The following RTEL1 variants were observed in gnomAD, a reference collection of about 807,000 sequenced individuals.
RTEL1 encodes regulator of telomere elongation helicase 1, also known as regulator of telomere length.
Under a neutral mutation model 162.2 loss-of-function variants are expected in RTEL1, and 86 were observed. The ratio of observed to expected loss-of-function variants is 0.53; its 90% CI spans 0.45 to 0.63. The LOEUF (loss-of-function observed/expected upper bound fraction) is 0.63, where lower values mean the gene tolerates loss of function less well. Ranked by LOEUF, RTEL1 falls within the 30% of genes least tolerant of loss-of-function variation. RTEL1 has a pLI of 0.00. For missense variants in RTEL1, 1,941 were observed against 1,750.2 expected (o/e 1.11, Z -1.95); for synonymous variants, 958 against 717.9 (o/e 1.33, Z -5.35).
At chr20:63,680,927 T>A (rs2090465849) in intron 14 of RTEL1, 1 of 985,224 alleles carries the variant, frequency 1.0e-6, no homozygotes. Flanking sequence ...CGAGGTCTGG[T>A]GGCACATGCC....
intron 10 of RTEL1, 40 bp downstream of exon 10, chr20:63,674,133 C>A: frequency 6.4e-7 from 1 of 1,562,490 alleles, no homozygotes. Flanking sequence ...GAGGCCTGCG[C>A]TGCTGCAGGG....
In RTEL1 at chr20:63,694,837, G is replaced by GT; in HGVS notation, c.3206_3207insT (p.Arg1069SerfsTer9). The GT allele has an allele frequency of 6.2e-7, 1 of 1,612,604 alleles. No individual in the cohort carries two copies. Among genetic ancestry groups the GT allele is most frequent in the Non-Finnish European group, 8.5e-7 (1 of 1,179,850 alleles). On this transcript the variant is annotated frameshift_variant, in exon 32 of 35. Coordinates refer to ENST00000360203, the MANE Select transcript of RTEL1 (RefSeq NM_001283009.2). LOFTEE classifies it high-confidence loss of function. ...AGCGCCTACCTGGCTGATGCCCGCA[G>GT]GGCCCTGGGGTCCGCGGGCTGTAGC...
rs757725471 is a variant in RTEL1 at position 63,693,215 on chromosome 20, G to T, written c.2924G>T (p.Gly975Val). 1.9e-6 allele frequency: 3 copies of T among 1,612,030 alleles called. No homozygotes were observed. The highest frequency in any genetic ancestry group is 1.7e-5 in the Admixed American group (1 of 59,964). ...EEVCIQLTGRGCGYRPEHSIP... is the reference protein window; with the variant it reads ...EEVCIQLTGRVCGYRPEHSIP... ...GTCTGTATCCAGCTGACAGGACGAG[G>T]CTGTGGCTATCGGCCTGAGCACAGC... Residue 975 changes from glycine (G) to valine (V), a missense_variant, in exon 30 of 35, where the codon GGC becomes GTC. Physicochemically the swap from Gly to Val is moderately radical, Grantham distance 109. Coordinates refer to ENST00000360203, the MANE Select transcript of RTEL1 (RefSeq NM_001283009.2).
At chr20:63,681,280 G>A in intron 14 of RTEL1, 1 of 985,394 alleles carries the variant, frequency 1.0e-6, no homozygotes, top group Non-Finnish European at 1.2e-6. Flanking sequence ...GCTTTCCCTG[G>A]CGTAGAGGTG....
At chr20:63,660,441 A>C (rs1181905980) in intron 2 of RTEL1, among the ~76,000 whole-genome samples, 3 of 152,242 alleles carry the variant, frequency 2.0e-5, no homozygotes, top group African/African-American at 4.8e-5. Context: ...GACTTTTACC[A>C]AGCATACTGC....
In RTEL1 at chr20:63,671,274, T is replaced by G. The variant is rs548141420; in HGVS notation, c.700-1282T>G. 7.2e-5 allele frequency among the ~76,000 whole-genome samples: 11 copies of G among 151,964 alleles called. 1 individual carries two copies. In the Middle Eastern group the frequency reaches 0.01, roughly 142 times the overall value. On this transcript the variant is annotated intron_variant, in intron 8 of 34. Transcript: ENST00000360203. ...CGGCAGTTCGCCATGTTGGCCAGGCTGGTCCCAAACTCCTGACCTTGTCAT... is the reference window on the plus strand; with the variant it reads ...CGGCAGTTCGCCATGTTGGCCAGGCGGGTCCCAAACTCCTGACCTTGTCAT...
intron 28 of RTEL1, chr20:63,692,076 C>A: frequency 4.0e-6 from 2 of 495,888 alleles, no homozygotes; most frequent in Non-Finnish European, 7.4e-6. Context: ...GGCATGGGGC[C>A]TGCAGCACTG....
In RTEL1 at chr20:63,667,537, A is replaced by G. The variant is rs923910999; in HGVS notation, c.683A>G (p.Tyr228Cys). The G allele has an allele frequency of 1.2e-6, 2 of 1,613,792 alleles. No individual in the cohort carries two copies. Among genetic ancestry groups the G allele is most frequent in the Admixed American group, 3.3e-5 (2 of 60,006 alleles). ...GACATCATATTCATGCCGTACAATT[A>G]CTTGTTGGATGCCAAGGTGGGGGCT... Reference protein sequence around the residue: ...QADIIFMPYNYLLDAKSRRAH... With the variant: ...QADIIFMPYNCLLDAKSRRAH... Residue 228 changes from tyrosine (Y) to cysteine (C), a missense_variant, in exon 8 of 35, where the codon TAC becomes TGC. Transcript: ENST00000360203.
chr20:63,687,466 C>T (rs1166669523), intron 16 of RTEL1, 172 bp from the exon 17 acceptor site: 1 of 752,808 alleles, frequency 1.3e-6, no homozygotes. Context: ...GGCAGGCTCA[C>T]ACTCAGGGCA....
intron 7 of RTEL1, among the ~76,000 whole-genome samples, chr20:63,666,736 CTG>C (rs1024488989): frequency 2.0e-5 from 3 of 151,860 alleles, no homozygotes; most frequent in Admixed American, 1.3e-4. Context: ...GGGTCTCACT[CTG>C]TTGCTCAGGC....
At chr20:63,666,862 C>T (rs1424451554) in intron 7 of RTEL1, among the ~76,000 whole-genome samples, 56 of 105,448 alleles carry the variant, frequency 5.3e-4, no homozygotes, top group African/African-American at 1.8e-3. Flanking sequence ...TTTTTTGAGA[C>T]GGAGTCTCGC....
At chr20:63,679,801 A>T (rs1160956170) in intron 12 of RTEL1, 48 bp from the exon 13 acceptor site, 2 of 1,427,498 alleles carry the variant, frequency 1.4e-6, no homozygotes, top group Non-Finnish European at 2.0e-6. Context: ...CCAAAGCTGC[A>T]GTCTGGTCCC....
At chr20:63,683,337 G>GGAGT (rs2146229036) in intron 14 of RTEL1, among the ~76,000 whole-genome samples, 1 of 152,310 alleles carries the variant, frequency 6.6e-6, no homozygotes, top group African/African-American at 2.4e-5. Context: ...CACCAGCGTG[G>GGAGT]GGGTGAACTT....
At chr20:63,688,089 G>T (rs772379905) in intron 18 of RTEL1, 39 bp downstream of exon 18, 5 of 1,611,826 alleles carry the variant, frequency 3.1e-6, no homozygotes, top group Non-Finnish European at 2.5e-6. Context: ...GGTGGGAGGT[G>T]GGGGAGCACT....
chr20:63,682,136 G>A, intron 14 of RTEL1: 1 of 985,484 alleles, frequency 1.0e-6, no homozygotes, highest in Non-Finnish European at 1.2e-6. Context: ...CACTTATGGA[G>A]AAGTCTCCTC....
chr20:63,662,261 A>G, intron 4 of RTEL1: 1 of 637,728 alleles, frequency 1.6e-6, no homozygotes, highest in South Asian at 1.8e-5. Flanking sequence ...ATGAAGTAGG[A>G]GGAGGCCCTG....
chr20:63,688,592 G>C lies in RTEL1; in HGVS notation c.1787G>C (p.Gly596Ala). The change falls in exon 21 of 35, where the codon GGC becomes GCC. Residue 596 changes from glycine to alanine, a missense_variant. Coordinates refer to ENST00000360203, the MANE Select transcript of RTEL1 (RefSeq NM_001283009.2). The part of the protein sequence containing the change: ...KPLFVEPRSK[G>A]SFSETISAYY... Reference sequence around the variant, plus strand: ...CTGTTTGTGGAGCCCAGGAGCAAAGGCAGCTTCTCCGAGGTCGGCACTTGG... The same window carrying C: ...CTGTTTGTGGAGCCCAGGAGCAAAGCCAGCTTCTCCGAGGTCGGCACTTGG... 6.2e-7 allele frequency: 1 copy of C among 1,609,238 alleles called. No homozygotes were observed.
In RTEL1 at chr20:63,688,391, G is replaced by A. The variant is rs1432607845; in HGVS notation, c.1722+5G>A. Reference sequence around the variant, plus strand: ...AAGAGCCTGGAGTTCTGGCGGGTGCGTCTCCCCTGTGTTCTGGGCGGGGTG... The same window carrying A: ...AAGAGCCTGGAGTTCTGGCGGGTGCATCTCCCCTGTGTTCTGGGCGGGGTG... On this transcript the variant is annotated splice_donor_5th_base_variant and intron_variant, in intron 20 of 34. Coordinates refer to ENST00000360203, the MANE Select transcript of RTEL1 (RefSeq NM_001283009.2). 5 of 1,611,614 alleles carry A rather than the reference G, an allele frequency of 3.1e-6. No individual in the cohort carries two copies. Among genetic ancestry groups the A allele is most frequent in the East Asian group, 2.2e-5 (1 of 44,874 alleles).
Position 63,661,672 on chromosome 20 carries a change from T to A in RTEL1, c.301+176T>A, listed in dbSNP as rs910129371. Reference sequence around the variant, plus strand: ...CGTGGGTGTAAACCTAGGGTTGGGCTTTTTTGCTGAATTAGGGCACGGCAG... The same window carrying A: ...CGTGGGTGTAAACCTAGGGTTGGGCATTTTTGCTGAATTAGGGCACGGCAG... On this transcript the variant is annotated intron_variant, in intron 3 of 34. Transcript: ENST00000360203. This position sits in a 1 kb window ranked among gnomAD's most constrained non-coding sequence, Gnocchi z 5.1. 1.3e-5 allele frequency: 12 copies of A among 899,830 alleles called. No homozygotes were observed. The highest frequency in any genetic ancestry group is 2.0e-5 in the Non-Finnish European group (12 of 593,394). 55.7% of individuals were successfully genotyped at this position (899,830 alleles called of 1,614,324 possible).
Sources: gnomAD v4.1 joint callset for allele counts (sites outside exome capture counted in the v4.1 genomes callset) on GRCh38, gnomAD v4.1.1 for gene constraint, Gnocchi (gnomAD v3.1) non-coding constraint, MANE v1.5 for transcripts, NCBI Gene and HGNC (gene_info 2026-07-23, HGNC 2026-07-21) for gene names.